IPO7: variants seen among roughly 807,000 people sequenced by gnomAD.
The protein encoded by IPO7 is importin 7.
IPO7 carries 13 observed loss-of-function variants against 136.4 expected under a neutral mutation model. The ratio of observed to expected loss-of-function variants is 0.10; its 90% CI spans 0.06 to 0.15. The LOEUF (loss-of-function observed/expected upper bound fraction) is 0.15. Ranked by LOEUF, IPO7 falls within the 10% of genes least tolerant of loss-of-function variation. IPO7 has a pLI of 1.00. For missense variants in IPO7, 857 were observed against 1,240.6 expected (o/e 0.69, Z 4.65); for synonymous variants, 403 against 404.4 (o/e 1.00, Z 0.04).
chr11:9,444,988 TC>T (rs1855509330), intron 24 of IPO7, 108 bp from the exon 25 acceptor site: 2 of 697,098 alleles, frequency 2.9e-6, no homozygotes, highest in Non-Finnish European at 5.1e-6. Context: ...TTTTGGAACT[TC>T]CTGGCCACTA....
chr11:9,397,982 A>G (rs907224843), intron 1 of IPO7, among the ~76,000 whole-genome samples: 7 of 152,224 alleles, frequency 4.6e-5, no homozygotes, highest in African/African-American at 1.7e-4. Flanking sequence ...TACAACCAAG[A>G]CTATCTGATT....
In IPO7 at chr11:9,405,320, G is replaced by A. The variant is rs1590432485; in HGVS notation, c.166+1949G>A. Among the ~76,000 whole-genome samples, 3 of 151,584 alleles carry A rather than the reference G, an allele frequency of 2.0e-5. No homozygotes were observed. In the South Asian group the frequency reaches 6.3e-4, roughly 32 times the overall value. ...CTCCCGAGTAGCTGGGACTATAGGC[G>A]CCCGCCACCACGCCCGGCTAATTCT... On this transcript the variant is annotated intron_variant, in intron 2 of 24. Transcript: ENST00000379719.
At chr11:9,436,508 A>G in intron 20 of IPO7, 142 bp downstream of exon 20, 1 of 560,604 alleles carries the variant, frequency 1.8e-6, no homozygotes, top group South Asian at 2.5e-5. Flanking sequence ...TTTAGTTCAA[A>G]ATGTAACTAA....
intron 2 of IPO7, among the ~76,000 whole-genome samples, chr11:9,408,149 C>T (rs1159066503): frequency 2.0e-5 from 3 of 151,850 alleles, no homozygotes; most frequent in Admixed American, 2.0e-4. Context: ...TCTTTAGAGG[C>T]TTCATTTAGA....
intron 8 of IPO7, among the ~76,000 whole-genome samples, chr11:9,421,965 A>T (rs918287929): frequency 6.6e-6 from 1 of 151,082 alleles, no homozygotes; most frequent in South Asian, 2.1e-4. Flanking sequence ...AACTTGTTCT[A>T]TAAGAATATG....
chr11:9,406,097 G>A (rs2133734160), intron 2 of IPO7, among the ~76,000 whole-genome samples: 1 of 145,262 alleles, frequency 6.9e-6, no homozygotes, highest in South Asian at 2.2e-4. Flanking sequence ...ATGTTGCTGA[G>A]GCTGGTCTTT....
At chr11:9,403,948 G>A (rs1005541085) in intron 2 of IPO7, among the ~76,000 whole-genome samples, 1 of 152,008 alleles carries the variant, frequency 6.6e-6, no homozygotes, top group Non-Finnish European at 1.5e-5. Flanking sequence ...TGCAACCTCT[G>A]CCTCCCAGGT....
chr11:9,408,483 T>C lies in IPO7; in HGVS notation c.167-3T>C, dbSNP rs375883302. The C allele has an allele frequency of 8.8e-5, 136 of 1,542,458 alleles. No individual in the cohort carries two copies. The highest frequency in any genetic ancestry group is 1.2e-4 in the Non-Finnish European group (133 of 1,146,670). ...TCTTTTGTCAAACTGATCTGTATTT[T>C]AGGTGTTATCTATCTGAAAAATATG... On this transcript the variant is annotated splice_region_variant and splice_polypyrimidine_tract_variant and intron_variant, in intron 2 of 24. Transcript: ENST00000379719.
chr11:9,417,236 T>C, intron 6 of IPO7, 88 bp downstream of exon 6: 1 of 565,660 alleles, frequency 1.8e-6, no homozygotes, highest in Non-Finnish European at 3.1e-6. Context: ...TGTAACATTC[T>C]TTATGAATTT....
chr11:9,397,361 T>TATATAA (rs377148636), intron 1 of IPO7, among the ~76,000 whole-genome samples: 1 of 42,282 alleles, frequency 2.4e-5, no homozygotes, highest in African/African-American at 1.1e-4. Context: ...TATATATATA[T>TATATAA]ATATTAGTCG....
intron 6 of IPO7, among the ~76,000 whole-genome samples, chr11:9,417,831 G>C (rs975913894): frequency 1.3e-5 from 2 of 148,896 alleles, no homozygotes; most frequent in Non-Finnish European, 3.0e-5. Flanking sequence ...TCATGCCTCA[G>C]CCTCTCAAGT....
At chr11:9,441,987 T>A (rs879244973) in intron 23 of IPO7, 94 bp from the exon 24 acceptor site, 1 of 578,906 alleles carries the variant, frequency 1.7e-6, no homozygotes, top group Admixed American at 2.8e-5. Flanking sequence ...AATTTCAGTA[T>A]TGCCTCGGGA....
At chr11:9,405,241 C>A (rs1376329180) in intron 2 of IPO7, among the ~76,000 whole-genome samples, 3 of 151,908 alleles carry the variant, frequency 2.0e-5, no homozygotes, top group Non-Finnish European at 4.4e-5. Context: ...GTGGCGCGAT[C>A]TCGGCTCACT....
chr11:9,430,863 T>G lies in IPO7; in HGVS notation c.1753-12T>G. The G allele has an allele frequency of 6.2e-7, 1 of 1,610,308 alleles. No individual in the cohort carries two copies. The highest frequency in any genetic ancestry group is 8.5e-7 in the Non-Finnish European group (1 of 1,178,482). On this transcript the variant is annotated splice_polypyrimidine_tract_variant and intron_variant, in intron 15 of 24. Coordinates refer to ENST00000379719, the MANE Select transcript of IPO7 (RefSeq NM_006391.3). The stretch of plus-strand genomic sequence containing the variant: ...TCAGTGACAAACTTGAGTTATATTC[T>G]CTTGAATCTAGGCAATGACATTTAA...
intron 15 of IPO7, among the ~76,000 whole-genome samples, chr11:9,430,109 T>C (rs535561987): frequency 6.6e-6 from 1 of 152,322 alleles, no homozygotes; most frequent in African/African-American, 2.4e-5. Flanking sequence ...TTCACGCTCC[T>C]GTGAGAATTT....
In IPO7 at chr11:9,410,024, C is replaced by T. The variant is rs144587793; in HGVS notation, c.417C>T (p.Ser139=). The change falls in exon 4 of 25, where the codon TCC becomes TCT. Residue 139 remains serine, a synonymous_variant. Transcript: ENST00000379719. ...ACAAAATTGGCTTTTATCTTCAGTC[C>T]GATAACAGTGCTTGTTGGCTAGGAA... ...IVDKIGFYLQ[S]DNSACWLGIL... is the part of the protein sequence containing the mutation. The T allele has an allele frequency of 2.6e-5, 41 of 1,604,598 alleles. No homozygotes were observed. Among genetic ancestry groups the T allele is most frequent in the African/African-American group, 4.0e-5 (3 of 74,142 alleles).
In IPO7 at chr11:9,445,088, G is replaced by C; in HGVS notation, c.3020-9G>C. On this transcript the variant is annotated splice_polypyrimidine_tract_variant and intron_variant, in intron 24 of 24. Coordinates refer to ENST00000379719, the MANE Select transcript of IPO7 (RefSeq NM_006391.3). ...TGAATGCCCTACTAAAATTTTATTTGTTTTCTAGAATCCAAAATGATTGAG... is the reference window on the plus strand; with the variant it reads ...TGAATGCCCTACTAAAATTTTATTTCTTTTCTAGAATCCAAAATGATTGAG... 1 of 1,589,094 alleles carries C rather than the reference G, an allele frequency of 6.3e-7. No homozygotes were observed. Among genetic ancestry groups the C allele is most frequent in the Non-Finnish European group, 8.6e-7 (1 of 1,157,656 alleles).
intron 4 of IPO7, among the ~76,000 whole-genome samples, chr11:9,412,913 C>T (rs1193090531): frequency 2.3e-5 from 3 of 133,136 alleles, no homozygotes; most frequent in Non-Finnish European, 3.1e-5. Flanking sequence ...TTTTTTGAGA[C>T]GGAGTCTCTC....
At chr11:9,413,291 A>C (rs1183611749) in intron 4 of IPO7, among the ~76,000 whole-genome samples, 1 of 152,102 alleles carries the variant, frequency 6.6e-6, no homozygotes. Context: ...CCTGTTGGTC[A>C]CATTTTGTTG....
Sources: gnomAD v4.1 joint callset for allele counts (sites outside exome capture counted in the v4.1 genomes callset) on GRCh38, gnomAD v4.1.1 for gene constraint, MANE v1.5 for transcripts, NCBI Gene and HGNC (gene_info 2026-07-23, HGNC 2026-07-21) for gene names.